LIPE: variants seen among roughly 807,000 people sequenced by gnomAD.
LIPE encodes hormone-sensitive lipase.
In LIPE, 66 loss-of-function variants were observed where a neutral mutation model predicts 88.5. The ratio of observed to expected loss-of-function variants is 0.75; its 90% CI spans 0.61 to 0.91. The LOEUF (loss-of-function observed/expected upper bound fraction) is 0.91, where lower values mean the gene tolerates loss of function less well. Among genes scored for constraint, LIPE ranks in the 40% least tolerant of loss-of-function variants. The pLI is 0.00. For synonymous variants in LIPE, 570 were observed against 617.5 expected (o/e 0.92, Z 1.14); for missense variants, 1,346 against 1,434.7 (o/e 0.94, Z 1.00).
At position 42,414,329 on chromosome 19, in the gene LIPE, G is replaced by C. The variant is rs953423198; in HGVS notation, c.884-3487C>G. Reference sequence around the variant, plus strand: ...GAAAGAAAGAAAGGAAAGAAGAAAAGAAAAGGAAAGAAAGATGGCCCAAGC... The same window carrying C: ...GAAAGAAAGAAAGGAAAGAAGAAAACAAAAGGAAAGAAAGATGGCCCAAGC... On this transcript the variant is annotated intron_variant, in intron 1 of 9. Transcript: ENST00000244289. This position sits in a 1 kb window ranked among gnomAD's most constrained non-coding sequence, Gnocchi z 4.6. 6.7e-6 allele frequency among the ~76,000 whole-genome samples: 1 copy of C among 149,700 alleles called. No homozygotes were observed. Among genetic ancestry groups the C allele is most frequent in the African/African-American group, 2.4e-5 (1 of 41,184 alleles).
In LIPE at chr19:42,407,230, G is replaced by A. The variant is rs746416515; in HGVS notation, c.2081C>T (p.Ala694Val). 1.5e-5 allele frequency: 23 copies of A among 1,573,082 alleles called. No individual in the cohort carries two copies. Among genetic ancestry groups the A allele is most frequent in the East Asian group, 4.6e-5 (2 of 43,016 alleles). ...GTAGGCGAAGAAGCACTCCTCCAGC[G>A]CACGGGGGAAGGGGGCCTCAGGGGC... ...SLAPEAPFPR[A>V]LEECFFAYCW... Residue 694 changes from alanine to valine, a missense_variant, in exon 6 of 10, where the codon GCG becomes GTG. Ala to Val is a moderately conservative substitution (Grantham distance 64). Coordinates refer to ENST00000244289, the MANE Select transcript of LIPE (RefSeq NM_005357.4). The surrounding 1 kb of genome is among the most constrained non-coding windows in gnomAD (Gnocchi z 5.8).
intron 1 of LIPE, among the ~76,000 whole-genome samples, chr19:42,415,731 A>G (rs910180911): frequency 4.0e-5 from 6 of 151,616 alleles, no homozygotes; most frequent in African/African-American, 1.5e-4. Context: ...AATGGCGTGA[A>G]CCTGGGAAGC....
intron 1 of LIPE, chr19:42,424,414 A>G (rs1049345443): frequency 5.5e-5 from 25 of 456,306 alleles, no homozygotes; most frequent in Admixed American, 5.2e-4. Flanking sequence ...ACCGCCTGAA[A>G]GGCAACCTCG....
At chr19:42,422,518 G>C (rs1358423074) in intron 1 of LIPE, among the ~76,000 whole-genome samples, 4 of 152,132 alleles carry the variant, frequency 2.6e-5, no homozygotes. Flanking sequence ...GTCTATTCTG[G>C]GCTAATGATG....
rs767694173 is a variant in LIPE, at chr19:42,423,522, C to G, written c.883+2745G>C. Reference sequence around the variant, plus strand: ...TAGCGGCCTCGGCGGGCTCCGTTCCCCCGGCCAACTCCATCAATTCCCCGC... The same window carrying G: ...TAGCGGCCTCGGCGGGCTCCGTTCCGCCGGCCAACTCCATCAATTCCCCGC... On this transcript the variant is annotated intron_variant, in intron 1 of 9. Coordinates refer to ENST00000244289, the MANE Select transcript of LIPE (RefSeq NM_005357.4). The G allele has an allele frequency of 7.9e-6, 10 of 1,268,556 alleles. No individual in the cohort carries two copies. The East Asian group carries it at 2.8e-4, about 36-fold the overall frequency. 78.6% of individuals were successfully genotyped at this position (1,268,556 alleles called of 1,614,324 possible).
Position 42,414,992 on chromosome 19 carries a change from G to A in LIPE, c.884-4150C>T, listed in dbSNP as rs1035991090. Reference sequence around the variant, plus strand: ...AATGCCTGTAATCCCAGCACTTTGGGAGGCTGAGGCAGGTGGATCACTTGA... The same window carrying A: ...AATGCCTGTAATCCCAGCACTTTGGAAGGCTGAGGCAGGTGGATCACTTGA... On this transcript the variant is annotated intron_variant, in intron 1 of 9. Transcript: ENST00000244289. The surrounding 1 kb of genome is among the most constrained non-coding windows in gnomAD (Gnocchi z 4.6). Among the ~76,000 whole-genome samples the A allele has an allele frequency of 6.6e-6, 1 of 152,180 alleles. No individual in the cohort carries two copies. Among genetic ancestry groups the A allele is most frequent in the Non-Finnish European group, 1.5e-5 (1 of 68,036 alleles).
chr19:42,409,400 C>CAAAAAAAAAAAAAAAAAAA (rs760628566), intron 2 of LIPE, among the ~76,000 whole-genome samples: 1 of 72,924 alleles, frequency 1.4e-5, no homozygotes, highest in Admixed American at 1.3e-4. Flanking sequence ...AAACAAAATA[C>CAAAAAAAAAAAAAAAAAAA]AAAAAAAAAA....
At chr19:42,423,837 CG>C in intron 1 of LIPE, 1 of 1,108,982 alleles carries the variant, frequency 9.0e-7, no homozygotes, top group Non-Finnish European at 1.1e-6. Flanking sequence ...CGGAGCCCCG[CG>C]GGGAGCACCC....
chr19:42,416,061 G>A (rs772748427), intron 1 of LIPE, among the ~76,000 whole-genome samples: 4 of 151,946 alleles, frequency 2.6e-5, no homozygotes, highest in Non-Finnish European at 4.4e-5. Flanking sequence ...GCAGGGTGAC[G>A]GCCGGGCATC....
At position 42,407,977 on chromosome 19, in the gene LIPE, G is replaced by C. The variant is rs146329410; in HGVS notation, c.1655C>G (p.Ser552Trp). Residue 552 changes from serine to tryptophan, a missense_variant and splice_region_variant, in exon 4 of 10, where the codon TCG (serine) becomes TGG (tryptophan). Coordinates refer to ENST00000244289, the MANE Select transcript of LIPE (RefSeq NM_005357.4). The surrounding 1 kb of genome is among the most constrained non-coding windows in gnomAD (Gnocchi z 5.8). Reference sequence around the variant, plus strand: ...TCCCCATCTGCAACAGGCCCTCACCGATAGCACTTCCATCTCGGTGATGTT... The same window carrying C: ...TCCCCATCTGCAACAGGCCCTCACCCATAGCACTTCCATCTCGGTGATGTT... ...FWNITEMEVL[S>W]SLANMASATV... The C allele has an allele frequency of 6.2e-7, 1 of 1,612,246 alleles. No homozygotes were observed. Among genetic ancestry groups the C allele is most frequent in the African/African-American group, 1.3e-5 (1 of 74,834 alleles).
In LIPE at chr19:42,402,970, C is replaced by T. The variant is rs763449886; in HGVS notation, c.2604G>A (p.Thr868=). The stretch of plus-strand genomic sequence containing the variant: ...TCAGGGTCAGGTTCTTGAGGGAATC[C>T]GTGCCCAGTGGGCCCTGGGGCTGGG... ...ALAQPQGPLG[T]DSLKNLTLRD... Residue 868 remains threonine (T), a synonymous_variant, in exon 9 of 10, where the codon ACG becomes ACA. Coordinates refer to ENST00000244289, the MANE Select transcript of LIPE (RefSeq NM_005357.4). The T allele has an allele frequency of 3.3e-5, 53 of 1,604,616 alleles. No individual in the cohort carries two copies. The highest frequency in any genetic ancestry group is 3.6e-5 in the Non-Finnish European group (42 of 1,178,464).
chr19:42,406,272 C>A lies in LIPE; in HGVS notation c.2254G>T (p.Ala752Ser), dbSNP rs1420830293. ...GGCTGCAGCATTGTGGCCGGGTAGG[C>A]TGCCATGATGCCATCTGGCACCCGC... Reference protein sequence around the residue: ...GVRVPDGIMAAYPATMLQPAA... With the variant: ...GVRVPDGIMASYPATMLQPAA... Residue 752 changes from alanine (A) to serine (S), a missense_variant, in exon 7 of 10, where the codon GCC (alanine) becomes TCC (serine). By Grantham distance (99) the Ala-to-Ser change is moderately conservative. Coordinates refer to ENST00000244289, the MANE Select transcript of LIPE (RefSeq NM_005357.4). The surrounding 1 kb of genome is among the most constrained non-coding windows in gnomAD (Gnocchi z 5.7). 1 of 1,613,972 alleles carries A rather than the reference C, an allele frequency of 6.2e-7. No individual in the cohort carries two copies. Among genetic ancestry groups the A allele is most frequent in the African/African-American group, 1.3e-5 (1 of 75,052 alleles).
chr19:42,417,199 C>T (rs1158994742), intron 1 of LIPE, among the ~76,000 whole-genome samples: 3 of 152,184 alleles, frequency 2.0e-5, no homozygotes, highest in Non-Finnish European at 4.4e-5. Flanking sequence ...GGATTACAGG[C>T]GTGAGCCACT....
rs150484479 is a variant in LIPE at position 42,406,373 on chromosome 19, C to T, written c.2153G>A (p.Arg718Gln). ...TGCACTGTCCCCCGCAAGGCAGATT[C>T]GTTCCCCTGTTGAGCCTGGTTTGGG... Reference protein sequence around the residue: ...HCALLGSTGERICLAGDSAGG... With the variant: ...HCALLGSTGEQICLAGDSAGG... Residue 718 changes from arginine (R) to glutamine (Q), a missense_variant, in exon 7 of 10, where the codon CGA becomes CAA. Physicochemically the swap from Arg to Gln is conservative, Grantham distance 43. Transcript: ENST00000244289. This position sits in a 1 kb window ranked among gnomAD's most constrained non-coding sequence, Gnocchi z 5.7. 2.8e-5 allele frequency: 45 copies of T among 1,613,284 alleles called. No individual in the cohort carries two copies. The East Asian group carries it at 9.4e-4, about 34-fold the overall frequency.
At position 42,407,487 on chromosome 19, in the gene LIPE, A is replaced by T; in HGVS notation, c.1843-19T>A. ...CACTGTCCTGGGGGTGAGGAGGGAGACGGTGTGTGAGGTTGGGGAGAGCTG... is the reference window on the plus strand; with the variant it reads ...CACTGTCCTGGGGGTGAGGAGGGAGTCGGTGTGTGAGGTTGGGGAGAGCTG... On this transcript the variant is annotated intron_variant, in intron 5 of 9. Transcript: ENST00000244289. The surrounding 1 kb of genome is among the most constrained non-coding windows in gnomAD (Gnocchi z 5.8). 1 of 1,600,938 alleles carries T rather than the reference A, an allele frequency of 6.2e-7. No homozygotes were observed.
chr19:42,408,564 G>GT lies in LIPE; in HGVS notation c.1420-243_1420-242insA. Reference sequence around the variant, plus strand: ...CATGACAAGGAATGACGAATGGTTTGGAAAAAAAAAAAGGCAGTAGGTGGA... The same window carrying GT: ...CATGACAAGGAATGACGAATGGTTTGTGAAAAAAAAAAAGGCAGTAGGTGGA... On this transcript the variant is annotated intron_variant, in intron 2 of 9. Coordinates refer to ENST00000244289, the MANE Select transcript of LIPE (RefSeq NM_005357.4). This position sits in a 1 kb window ranked among gnomAD's most constrained non-coding sequence, Gnocchi z 4.3. 3 of 498,592 alleles carry GT rather than the reference G, an allele frequency of 6.0e-6. No individual in the cohort carries two copies. The highest frequency in any genetic ancestry group is 7.3e-6 in the Non-Finnish European group (2 of 275,782). The allele number at this position is 498,592 out of a possible 1,614,324, so 30.9% of individuals were successfully genotyped here. A position where few individuals can be genotyped will look rare whatever the true frequency, so the allele number is the denominator to read the frequency against.
chr19:42,419,608 G>T (rs947683530), intron 1 of LIPE, among the ~76,000 whole-genome samples: 23 of 150,808 alleles, frequency 1.5e-4, no homozygotes, highest in Non-Finnish European at 3.1e-4. Flanking sequence ...CTGGGCACTG[G>T]ACCTTTCTTT....
At chr19:42,424,105 C>T in intron 1 of LIPE, 2 of 1,190,058 alleles carry the variant, frequency 1.7e-6, no homozygotes, top group Non-Finnish European at 2.1e-6. Context: ...GAGGGAGCCC[C>T]GCTTTCCCTC....
At chr19:42,415,257 A>C (rs1341022404) in intron 1 of LIPE, among the ~76,000 whole-genome samples, 1 of 152,276 alleles carries the variant, frequency 6.6e-6, no homozygotes, top group African/African-American at 2.4e-5. Flanking sequence ...GATGAAAAAT[A>C]GAATAAAATA....
Sources: allele counts gnomAD v4.1 joint callset (sites outside exome capture counted in the v4.1 genomes callset), GRCh38; gene constraint gnomAD v4.1.1; non-coding constraint Gnocchi (gnomAD v3.1); transcripts MANE v1.5; gene names NCBI Gene and HGNC (gene_info 2026-07-23, HGNC 2026-07-21).